Variants in CERS6 observed in about 807,000 individuals in gnomAD.
The protein encoded by CERS6 is LAG1 homolog, ceramide synthase 6.
CERS6 carries 26 observed loss-of-function variants against 56.8 expected under a neutral mutation model. The ratio of observed to expected loss-of-function variants is 0.46; its 90% CI spans 0.34 to 0.63. CERS6 has a LOEUF of 0.63. Among genes scored for constraint, CERS6 ranks in the 30% least tolerant of loss-of-function variants. CERS6 has a pLI of 0.01. For missense variants in CERS6, 415 were observed against 467.5 expected (o/e 0.89, Z 1.04); for synonymous variants, 164 against 173.3 (o/e 0.95, Z 0.42).
chr2:168,659,290 A>C (rs1235479809), intron 4 of CERS6, among the ~76,000 whole-genome samples: 1 of 152,186 alleles, frequency 6.6e-6, no homozygotes, highest in Non-Finnish European at 1.5e-5. Context: ...CATGTGGGAA[A>C]ATGTTCAAAT....
At chr2:168,637,072 A>G (rs1684876959) in intron 4 of CERS6, among the ~76,000 whole-genome samples, 1 of 152,210 alleles carries the variant, frequency 6.6e-6, no homozygotes, top group Admixed American at 6.5e-5. Context: ...GAAATTGCTC[A>G]TATGTATGGT....
At chr2:168,584,663 A>G (rs866600987) in intron 3 of CERS6, among the ~76,000 whole-genome samples, 13 of 152,248 alleles carry the variant, frequency 8.5e-5, no homozygotes, top group Admixed American at 3.3e-4. Context: ...TGATAACACT[A>G]TTTGAATTAA....
chr2:168,480,530 T>C (rs1173921735), intron 1 of CERS6, among the ~76,000 whole-genome samples: 2 of 152,210 alleles, frequency 1.3e-5, no homozygotes, highest in African/African-American at 4.8e-5. Context: ...GGTGTGATCT[T>C]AGTGGCAGAG....
chr2:168,548,978 G>A (rs6746592), intron 2 of CERS6, among the ~76,000 whole-genome samples: 144,263 of 152,216 alleles, frequency 0.95, 68,808 homozygotes, highest in East Asian at 1. Flanking sequence ...AGAAAAAAAT[G>A]TAAAGAAAAA....
At chr2:168,507,676 T>A (rs1461107876) in intron 1 of CERS6, among the ~76,000 whole-genome samples, 2 of 152,122 alleles carry the variant, frequency 1.3e-5, no homozygotes, top group African/African-American at 4.8e-5. Flanking sequence ...CAACATCTTG[T>A]TCCTTATCAA....
chr2:168,658,321 C>G lies in CERS6; in HGVS notation c.465+27279C>G, dbSNP rs981733640. ...CCCAAGGAAGTAGATTTCGGCTCCC[C>G]GGCCTGGTCAAATTTTGAGGCCTCT... On this transcript the variant is annotated intron_variant, in intron 4 of 9. Transcript: ENST00000305747. Among the ~76,000 whole-genome samples the G allele has an allele frequency of 5.9e-5, 9 of 152,268 alleles. No homozygotes were observed. In the Middle Eastern group the frequency reaches 0.014, roughly 230 times the overall value.
chr2:168,600,507 C>T (rs1409045275), intron 3 of CERS6, among the ~76,000 whole-genome samples: 2 of 152,174 alleles, frequency 1.3e-5, no homozygotes, highest in Non-Finnish European at 2.9e-5. Context: ...CCCGGCCTGC[C>T]ATACTTCTCT....
intron 1 of CERS6, among the ~76,000 whole-genome samples, chr2:168,478,258 G>C (rs1277836708): frequency 2.0e-5 from 3 of 152,116 alleles, no homozygotes; most frequent in Non-Finnish European, 4.4e-5. Context: ...TCTTAATCCT[G>C]TTTTGGTCAC....
chr2:168,758,860 G>T lies in CERS6; in HGVS notation c.846-6732G>T, dbSNP rs138498781. On this transcript the variant is annotated intron_variant, in intron 8 of 9. Coordinates refer to ENST00000305747, the MANE Select transcript of CERS6 (RefSeq NM_203463.3). Reference sequence around the variant, plus strand: ...TGCAGTCCTCAGGTTGCAGGGTAAAGCATAATGCTTTAAGTCACAGTGATG... The same window carrying T: ...TGCAGTCCTCAGGTTGCAGGGTAAATCATAATGCTTTAAGTCACAGTGATG... Among the ~76,000 whole-genome samples, 4 of 152,240 alleles carry T rather than the reference G, an allele frequency of 2.6e-5. No homozygotes were observed. The East Asian group carries it at 7.7e-4, about 29-fold the overall frequency.
intron 3 of CERS6, among the ~76,000 whole-genome samples, chr2:168,597,017 G>A (rs776293228): frequency 6.6e-6 from 1 of 152,084 alleles, no homozygotes; most frequent in Non-Finnish European, 1.5e-5. Flanking sequence ...CCTGCTTCTT[G>A]AACTCCAATT....
chr2:168,690,006 A>AT (rs1686458577), intron 4 of CERS6, among the ~76,000 whole-genome samples: 1 of 152,260 alleles, frequency 6.6e-6, no homozygotes, highest in African/African-American at 2.4e-5. Flanking sequence ...CGGGGCCTCC[A>AT]TTTACCTATC....
chr2:168,604,151 C>T (rs1683997080), intron 3 of CERS6, among the ~76,000 whole-genome samples: 1 of 152,190 alleles, frequency 6.6e-6, no homozygotes, highest in Admixed American at 6.5e-5. Context: ...TCCTTGGAGC[C>T]ATCCTTAATT....
At chr2:168,573,737 C>T (rs1219220097) in intron 3 of CERS6, among the ~76,000 whole-genome samples, 1 of 151,992 alleles carries the variant, frequency 6.6e-6, no homozygotes, top group African/African-American at 2.4e-5. Flanking sequence ...TTCTCCTTTC[C>T]TTCTCTGTGG....
At chr2:168,551,417 C>G (rs1438939084) in intron 2 of CERS6, among the ~76,000 whole-genome samples, 1 of 152,170 alleles carries the variant, frequency 6.6e-6, no homozygotes, top group Non-Finnish European at 1.5e-5. Flanking sequence ...TGTGTTGGAA[C>G]CTCAGCTCTG....
At chr2:168,719,303 A>G (rs1000540249) in intron 8 of CERS6, among the ~76,000 whole-genome samples, 14 of 152,210 alleles carry the variant, frequency 9.2e-5, no homozygotes, top group African/African-American at 3.4e-4. Context: ...TTTACTGGAC[A>G]TAGGTAATAT....
chr2:168,667,055 C>T (rs1319956117), intron 4 of CERS6, among the ~76,000 whole-genome samples: 1 of 152,190 alleles, frequency 6.6e-6, no homozygotes, highest in Admixed American at 6.5e-5. Flanking sequence ...CAAAAGTTTT[C>T]ACATATGACA....
At chr2:168,692,006 T>A (rs1481509785) in intron 5 of CERS6, among the ~76,000 whole-genome samples, 2 of 152,184 alleles carry the variant, frequency 1.3e-5, no homozygotes, top group Non-Finnish European at 2.9e-5. Flanking sequence ...ACACCTAGTG[T>A]CATGGCAGAG....
chr2:168,683,816 C>T (rs186180784), intron 4 of CERS6, among the ~76,000 whole-genome samples: 1 of 152,240 alleles, frequency 6.6e-6, no homozygotes, highest in East Asian at 1.9e-4. Flanking sequence ...AGAATCACAG[C>T]GTTCTTACCC....
chr2:168,658,529 C>T (rs1685549415), intron 4 of CERS6, among the ~76,000 whole-genome samples: 1 of 152,216 alleles, frequency 6.6e-6, no homozygotes. Context: ...GGAGTCTGCA[C>T]CTAGCCAGCA....
Sources: gnomAD v4.1 joint callset for allele counts (sites outside exome capture counted in the v4.1 genomes callset) on GRCh38, gnomAD v4.1.1 for gene constraint, MANE v1.5 for transcripts, NCBI Gene and HGNC (gene_info 2026-07-23, HGNC 2026-07-21) for gene names.